IL12RB1: variants seen among roughly 807,000 people sequenced by gnomAD.
IL12RB1 encodes the protein interleukin 12 receptor subunit beta 1, also known as interleukin-12 receptor subunit beta-1.
IL12RB1 carries 64 observed loss-of-function variants against 94.4 expected under a neutral mutation model. That is an observed-to-expected ratio of 0.68 (90% CI 0.55 to 0.83). The LOEUF (loss-of-function observed/expected upper bound fraction) is 0.83, where lower values mean the gene tolerates loss of function less well. Among genes scored for constraint, IL12RB1 ranks in the 40% least tolerant of loss-of-function variants. IL12RB1 has a pLI of 0.00. For missense variants in IL12RB1, 814 were observed against 855.6 expected, an observed-to-expected ratio of 0.95 and a Z score of 0.61; for synonymous variants, 362 against 355.5, an observed-to-expected ratio of 1.02 and a Z score of -0.21.
chr19:18,095,047 C>T (rs563000218), intron 1 of IL12RB1, among the ~76,000 whole-genome samples: 2 of 151,876 alleles, frequency 1.3e-5, no homozygotes, highest in South Asian at 2.1e-4. Flanking sequence ...GGAGTGGTGG[C>T]GGGTGTCTGT....
chr19:18,062,647 C>T (rs188757913), intron 13 of IL12RB1, among the ~76,000 whole-genome samples: 1 of 151,972 alleles, frequency 6.6e-6, no homozygotes, highest in East Asian at 1.9e-4. Context: ...TGGTGTGCGC[C>T]GGTAATCCCA....
intron 10 of IL12RB1, among the ~76,000 whole-genome samples, 199 bp from the exon 11 acceptor site, chr19:18,068,725 C>T (rs1034413858): frequency 2.0e-5 from 3 of 151,376 alleles, no homozygotes; most frequent in Non-Finnish European, 2.9e-5. Context: ...TCTAACCCAG[C>T]CCTTACTCCA....
intron 1 of IL12RB1, among the ~76,000 whole-genome samples, chr19:18,085,054 G>A (rs1450876348): frequency 1.3e-5 from 2 of 152,192 alleles, no homozygotes; most frequent in Non-Finnish European, 2.9e-5. Context: ...ACCTCCCTCA[G>A]CCACTGGGAT....
At chr19:18,090,275 G>A (rs911837395), upstream of IL12RB1, among the ~76,000 whole-genome samples, 8 of 146,254 alleles carry the variant, frequency 5.5e-5, no homozygotes, top group Non-Finnish European at 1.5e-5. Context: ...AGCCAGGGAG[G>A]TCGAGACTGC....
intron 1 of IL12RB1, among the ~76,000 whole-genome samples, chr19:18,084,541 T>C (rs558562021): frequency 9.2e-5 from 14 of 151,582 alleles, no homozygotes; most frequent in African/African-American, 3.4e-4. Context: ...CATTATCCAT[T>C]CACCCAACCA....
At chr19:18,068,685 G>T (rs1445555818) in intron 10 of IL12RB1, among the ~76,000 whole-genome samples, 159 bp from the exon 11 acceptor site, 1 of 150,508 alleles carries the variant, frequency 6.6e-6, no homozygotes, top group East Asian at 2.0e-4. Flanking sequence ...TCTTCCCTAT[G>T]CAACACCCCC....
At chr19:18,091,005 T>A (rs1049825277), upstream of IL12RB1, among the ~76,000 whole-genome samples, 7 of 151,570 alleles carry the variant, frequency 4.6e-5, no homozygotes, top group East Asian at 1.4e-3. Context: ...ACCACCAAGA[T>A]GGACACAGTG....
chr19:18,083,069 C>A (rs907653668), intron 2 of IL12RB1: 2 of 374,466 alleles, frequency 5.3e-6, no homozygotes, highest in Non-Finnish European at 1.0e-5. Context: ...GGCAGCAGAA[C>A]AAGACTCCGT....
chr19:18,088,376 A>T (rs1224076063), upstream of IL12RB1, among the ~76,000 whole-genome samples: 1 of 121,740 alleles, frequency 8.2e-6, no homozygotes, highest in African/African-American at 3.2e-5. Flanking sequence ...ACAGAGTGAC[A>T]CTCCATCTCA....
chr19:18,097,713 T>C (rs2037078685), intron 1 of IL12RB1: 2 of 896,234 alleles, frequency 2.2e-6, no homozygotes, highest in African/African-American at 3.8e-5. Flanking sequence ...CTGACCGGCC[T>C]GGCCAATGGC....
At chr19:18,066,804 G>T in intron 11 of IL12RB1, 107 bp from the exon 12 acceptor site, 1 of 792,890 alleles carries the variant, frequency 1.3e-6, no homozygotes, top group Non-Finnish European at 2.1e-6. Flanking sequence ...AGGTGGGTAA[G>T]TCATTTGAGG....
chr19:18,075,007 G>C (rs1386165859), intron 7 of IL12RB1, among the ~76,000 whole-genome samples: 1 of 148,314 alleles, frequency 6.7e-6, no homozygotes, highest in African/African-American at 2.5e-5. Context: ...AGCCGAGATG[G>C]CGCCACTGCA....
intron 1 of IL12RB1, among the ~76,000 whole-genome samples, chr19:18,098,271 C>T (rs191066877): frequency 6.6e-6 from 1 of 152,272 alleles, no homozygotes; most frequent in African/African-American, 2.4e-5. Flanking sequence ...CCTACGACGA[C>T]CTGGGGAGGT....
chr19:18,082,665 T>C (rs547878863), intron 2 of IL12RB1, among the ~76,000 whole-genome samples: 1 of 152,374 alleles, frequency 6.6e-6, no homozygotes, highest in South Asian at 2.1e-4. Context: ...CAGTTGCCTA[T>C]GTCTAGAACT....
At chr19:18,061,030 G>T in intron 15 of IL12RB1, 92 bp downstream of exon 15, 1 of 757,544 alleles carries the variant, frequency 1.3e-6, no homozygotes, top group Non-Finnish European at 2.4e-6. Context: ...TTACCTTGAT[G>T]AATTGGGAGA....
chr19:18,080,852 G>T lies in IL12RB1; in HGVS notation c.389C>A (p.Thr130Asn), dbSNP rs1189853035. ...CTAACCTGAGTTGTAGAGCTGCAGGGTCACCTCAGGAGACTTCTCTGTCTG... is the reference window on the plus strand; with the variant it reads ...CTAACCTGAGTTGTAGAGCTGCAGGTTCACCTCAGGAGACTTCTCTGTCTG... ...RNQTEKSPEV[T>N]LQLYNSVKYE... The change falls in exon 4 of 17, where the codon ACC becomes AAC. Residue 130 changes from threonine to asparagine, a missense_variant. Thr to Asn is a moderately conservative substitution (Grantham distance 65). Transcript: ENST00000593993. 6.2e-7 allele frequency: 1 copy of T among 1,609,694 alleles called. No individual in the cohort carries two copies. Among genetic ancestry groups the T allele is most frequent in the East Asian group, 2.2e-5 (1 of 44,874 alleles).
intron 1 of IL12RB1, among the ~76,000 whole-genome samples, chr19:18,095,470 C>T (rs537573752): frequency 2.0e-5 from 3 of 152,190 alleles, no homozygotes; most frequent in African/African-American, 7.2e-5. Context: ...ATATCCAGCA[C>T]AGGAAAATTC....
Position 18,059,538 on chromosome 19 carries a change from G to T in IL12RB1, c.*70C>A. Reference sequence around the variant, plus strand: ...CCTGGAGGAGCTCTGGGTTATTTGGGTCCAAATGTGACTCCTGTGTGTGCT... The same window carrying T: ...CCTGGAGGAGCTCTGGGTTATTTGGTTCCAAATGTGACTCCTGTGTGTGCT... On this transcript the variant is annotated 3_prime_UTR_variant, in exon 17 of 17. Transcript: ENST00000593993. 1.3e-6 allele frequency: 1 copy of T among 769,384 alleles called. No individual in the cohort carries two copies. The highest frequency in any genetic ancestry group is 1.4e-5 in the South Asian group (1 of 72,816). The allele number at this position is 769,384 out of a possible 1,614,324, so 47.7% of individuals were successfully genotyped here.
chr19:18,080,827 C>T lies in IL12RB1; in HGVS notation c.409+5G>A. 3 of 1,596,508 alleles carry T rather than the reference C, an allele frequency of 1.9e-6. No individual in the cohort carries two copies. Among genetic ancestry groups the T allele is most frequent in the Admixed American group, 1.7e-5 (1 of 59,990 alleles). ...AAACGGACGGGGGGAGAACAAGGTG[C>T]TAACCTGAGTTGTAGAGCTGCAGGG... On this transcript the variant is annotated splice_donor_5th_base_variant and intron_variant, in intron 4 of 16. Transcript: ENST00000593993.
Sources: gnomAD v4.1 joint callset for allele counts (sites outside exome capture counted in the v4.1 genomes callset) on GRCh38, gnomAD v4.1.1 for gene constraint, MANE v1.5 for transcripts, NCBI Gene and HGNC (gene_info 2026-07-23, HGNC 2026-07-21) for gene names.